ZNF609: variants seen among roughly 807,000 people sequenced by gnomAD.
ZNF609 encodes the protein zinc finger protein 609.
Under a neutral mutation model 109.5 loss-of-function variants are expected in ZNF609, and 11 were observed. The observed-to-expected ratio is 0.10, with a 90% CI of 0.06 to 0.17. ZNF609 has a LOEUF of 0.17. ZNF609 is among the 10% of genes least tolerant of loss of function. The pLI is 1.00. For synonymous variants in ZNF609, 646 were observed against 662.0 expected, an observed-to-expected ratio of 0.98 and a Z score of 0.37; for missense variants, 1,559 against 1,772.4, an observed-to-expected ratio of 0.88 and a Z score of 2.16.
intron 1 of ZNF609, among the ~76,000 whole-genome samples, chr15:64,463,732 T>TA: frequency 6.6e-6 from 1 of 152,232 alleles, no homozygotes. Flanking sequence ...GACCTTTATA[T>TA]ATTTTTTGAT....
intron 2 of ZNF609, among the ~76,000 whole-genome samples, chr15:64,531,419 G>C (rs1894059161): frequency 6.6e-6 from 1 of 151,974 alleles, no homozygotes; most frequent in Admixed American, 6.6e-5. Context: ...TATTATTTGG[G>C]ACAGTCTCGC....
chr15:64,499,182 T>C, intron 1 of ZNF609, 111 bp from the exon 2 acceptor site: 1 of 488,856 alleles, frequency 2.0e-6, no homozygotes, highest in Non-Finnish European at 3.6e-6. Flanking sequence ...GTCATGTCTG[T>C]TGTGATATGA....
At chr15:64,518,247 C>T (rs1386201767) in intron 2 of ZNF609, among the ~76,000 whole-genome samples, 1 of 152,186 alleles carries the variant, frequency 6.6e-6, no homozygotes, top group Non-Finnish European at 1.5e-5. Flanking sequence ...TCTCTAACCT[C>T]TCTGATAGTT....
At chr15:64,566,245 G>T (rs1474536327) in intron 2 of ZNF609, among the ~76,000 whole-genome samples, 1 of 152,196 alleles carries the variant, frequency 6.6e-6, no homozygotes, top group Non-Finnish European at 1.5e-5. Context: ...CAGGAGGATT[G>T]CTTGAGCCCA....
chr15:64,672,962 C>CCAA (rs1382921557), intron 4 of ZNF609, among the ~76,000 whole-genome samples: 1 of 98,674 alleles, frequency 1.0e-5, no homozygotes, highest in Non-Finnish European at 2.2e-5. Context: ...GACTCCATCT[C>CCAA]AAAAAAAAAA....
At chr15:64,614,989 T>C (rs1434502899) in intron 2 of ZNF609, among the ~76,000 whole-genome samples, 4 of 151,982 alleles carry the variant, frequency 2.6e-5, no homozygotes, top group Non-Finnish European at 4.4e-5. Context: ...CGGCTAATTT[T>C]TGTATTTTCA....
intron 2 of ZNF609, among the ~76,000 whole-genome samples, chr15:64,582,434 A>G (rs1453031017): frequency 6.6e-6 from 1 of 152,312 alleles, no homozygotes; most frequent in East Asian, 1.9e-4. Flanking sequence ...TGCTCCGTCA[A>G]TCCTTTGACA....
chr15:64,462,869 TGA>T (rs1388582960), intron 1 of ZNF609, among the ~76,000 whole-genome samples: 1 of 152,124 alleles, frequency 6.6e-6, no homozygotes, highest in African/African-American at 2.4e-5. Flanking sequence ...GGATTATTAG[TGA>T]GAGAAGGATG....
intron 1 of ZNF609, among the ~76,000 whole-genome samples, chr15:64,477,162 A>T (rs1596377083): frequency 2.0e-5 from 2 of 100,282 alleles, no homozygotes; most frequent in African/African-American, 4.2e-5. Context: ...TTTTTTTGAG[A>T]CGGTGTCTTG....
intron 2 of ZNF609, among the ~76,000 whole-genome samples, chr15:64,586,310 G>A (rs1895195807): frequency 6.7e-6 from 1 of 149,102 alleles, no homozygotes; most frequent in South Asian, 2.1e-4. Flanking sequence ...TGGGCAACAA[G>A]AGTGAAACTC....
intron 3 of ZNF609, among the ~76,000 whole-genome samples, chr15:64,667,548 A>T (rs921720946): frequency 6.6e-6 from 1 of 151,606 alleles, no homozygotes; most frequent in Non-Finnish European, 1.5e-5. Context: ...GTCTCTGCTT[A>T]AAAAAAATAC....
intron 2 of ZNF609, among the ~76,000 whole-genome samples, chr15:64,538,593 CT>C (rs1425523571): frequency 6.6e-6 from 1 of 152,150 alleles, no homozygotes; most frequent in East Asian, 1.9e-4. Flanking sequence ...GTTGCACAGG[CT>C]GGGGTGCAGT....
chr15:64,676,645 G>T (rs1193452054), intron 5 of ZNF609, among the ~76,000 whole-genome samples: 1 of 151,780 alleles, frequency 6.6e-6, no homozygotes, highest in Non-Finnish European at 1.5e-5. Context: ...TCTTGGTCAG[G>T]CTGGTCTGGA....
Position 64,680,258 on chromosome 15 carries a change from G to A in ZNF609, c.3843G>A (p.Lys1281=), listed in dbSNP as rs746604400. Reference sequence around the variant, plus strand: ...TCTCAGGTGGTGAAGATGCTGACAAGGCACGAGCCAGCCCCAGTGTGACTT... The same window carrying A: ...TCTCAGGTGGTGAAGATGCTGACAAAGCACGAGCCAGCCCCAGTGTGACTT... ...SKVSGGEDAD[K]ARASPSVTCK... is the part of the protein sequence containing the mutation. Residue 1281 remains lysine (K), a synonymous_variant, in exon 7 of 10, where the codon AAG becomes AAA. Coordinates refer to ENST00000326648, the MANE Select transcript of ZNF609 (RefSeq NM_015042.2). 4 of 1,614,192 alleles carry A rather than the reference G, an allele frequency of 2.5e-6. No individual in the cohort carries two copies. In the South Asian group the frequency reaches 3.3e-5, roughly 13 times the overall value.
intron 2 of ZNF609, among the ~76,000 whole-genome samples, chr15:64,568,424 A>T (rs1199736228): frequency 1.3e-5 from 2 of 152,192 alleles, no homozygotes; most frequent in Non-Finnish European, 2.9e-5. Context: ...CCTCTAGAGC[A>T]GTGGTTCTCA....
chr15:64,545,700 A>G (rs1894347845), intron 2 of ZNF609, among the ~76,000 whole-genome samples: 1 of 152,108 alleles, frequency 6.6e-6, no homozygotes, highest in Non-Finnish European at 1.5e-5. Context: ...GCAATCAACC[A>G]CTAATCTTAC....
chr15:64,670,171 G>C (rs910913981), intron 3 of ZNF609, among the ~76,000 whole-genome samples, 175 bp from the exon 4 acceptor site: 1 of 152,194 alleles, frequency 6.6e-6, no homozygotes. Flanking sequence ...AGGGACCTCA[G>C]TAGCATTGTA....
At chr15:64,575,812 G>C (rs1282106331) in intron 2 of ZNF609, among the ~76,000 whole-genome samples, 1 of 152,096 alleles carries the variant, frequency 6.6e-6, no homozygotes, top group Non-Finnish European at 1.5e-5. Context: ...ATAATTACTT[G>C]ATATACTTGG....
In ZNF609 at chr15:64,675,131, A is replaced by G. The variant is rs759283887; in HGVS notation, c.2277A>G (p.Pro759=). The G allele has an allele frequency of 5.6e-6, 9 of 1,614,098 alleles. No homozygotes were observed. In the East Asian group the frequency reaches 6.7e-5, roughly 12 times the overall value. ...KVCRAEEGKS[P]FRESSGDGMK... is the part of the protein sequence containing the mutation. ...GTCGAGCAGAGGAAGGCAAAAGCCC[A>G]TTCAGGGAATCTTCAGGAGATGGGA... The change falls in exon 5 of 10, where the codon CCA becomes CCG. Residue 759 remains proline (P), a synonymous_variant. Coordinates refer to ENST00000326648, the MANE Select transcript of ZNF609 (RefSeq NM_015042.2).
Sources: allele counts gnomAD v4.1 joint callset (sites outside exome capture counted in the v4.1 genomes callset), GRCh38; gene constraint gnomAD v4.1.1; transcripts MANE v1.5; gene names NCBI Gene and HGNC (gene_info 2026-07-23, HGNC 2026-07-21).